The following RNF207 variants were observed in gnomAD, a reference collection of about 807,000 sequenced individuals.
The protein encoded by RNF207 is OTTHUMG00000001089.
In RNF207, 72 loss-of-function variants were observed where a neutral mutation model predicts 79.0. The ratio of observed to expected loss-of-function variants is 0.91; its 90% CI spans 0.75 to 1.11. The LOEUF (loss-of-function observed/expected upper bound fraction) is 1.11, where lower values mean the gene tolerates loss of function less well. RNF207 is among the 50% of genes least tolerant of loss of function. RNF207 has a pLI of 0.00. For missense variants in RNF207, 936 were observed against 855.8 expected (o/e 1.09, Z -1.17); for synonymous variants, 348 against 366.2 (o/e 0.95, Z 0.57).
Position 6,209,129 on chromosome 1 carries a change from C to A in RNF207, c.484C>A (p.Pro162Thr). Reference protein sequence around the residue: ...VPQKCTLHAEPYLLFSTDKKL... With the variant: ...VPQKCTLHAETYLLFSTDKKL... ...CGCCCCCGCAGCGCTGCACGCAGAG[C>A]CCTACCTCTTGTTCTCCACCGACAA... The change falls in exon 5 of 18, where the codon CCC (proline) becomes ACC (threonine). Residue 162 changes from proline (P) to threonine (T), a missense_variant. Pro to Thr is a conservative substitution (Grantham distance 38, BLOSUM62 -1). Coordinates refer to ENST00000377939, the MANE Select transcript of RNF207 (RefSeq NM_207396.3). 6.4e-7 allele frequency: 1 copy of A among 1,555,538 alleles called. No individual in the cohort carries two copies. The highest frequency in any genetic ancestry group is 8.7e-7 in the Non-Finnish European group (1 of 1,149,332).
At chr1:6,208,299 C>T (rs1667994184) in intron 3 of RNF207, 1 of 152,294 alleles carries the variant, frequency 6.6e-6, no homozygotes, top group African/African-American at 2.4e-5. Flanking sequence ...CCCTCACACC[C>T]TTTTGTTGCA....
rs755796660 is a variant in RNF207 at position 6,207,527 on chromosome 1, C to CG, written c.324+19dup. 1.2e-5 allele frequency: 13 copies of CG among 1,052,538 alleles called. No homozygotes were observed. The African/African-American group carries it at 2.1e-4, about 17-fold the overall frequency. The allele number at this position is 1,052,538 out of a possible 1,614,324, so 65.2% of individuals were successfully genotyped here. On this transcript the variant is annotated intron_variant, in intron 3 of 17. Coordinates refer to ENST00000377939, the MANE Select transcript of RNF207 (RefSeq NM_207396.3). This position sits in a 1 kb window ranked among gnomAD's most constrained non-coding sequence, Gnocchi z 4.5. ...CAGCGAGCAGGCAGGGGCGGCAGGG[C>CG]GGGTGGGTGAGGAGCAGAGGGTACC...
Position 6,209,528 on chromosome 1 carries a change from G to A in RNF207, c.742G>A (p.Gly248Ser). Residue 248 changes from glycine (G) to serine (S), a missense_variant, in exon 7 of 18, where the codon GGC becomes AGC. Transcript: ENST00000377939. The stretch of plus-strand genomic sequence containing the variant: ...GGAGGACGCTATCCACGCCCTCTTC[G>A]GCAGCATGCAGGTGAGGGGTGGGGG... ...EEEDAIHALF[G>S]SMQDRLAERK... The A allele has an allele frequency of 6.8e-7, 1 of 1,466,170 alleles. No homozygotes were observed. The highest frequency in any genetic ancestry group is 9.0e-7 in the Non-Finnish European group (1 of 1,117,204). The allele number at this position is 1,466,170 out of a possible 1,614,324, so 90.8% of individuals were successfully genotyped here.
At position 6,210,936 on chromosome 1, in the gene RNF207, A is replaced by G. The variant is rs1668138072; in HGVS notation, c.1009A>G (p.Lys337Glu). 5 of 1,605,596 alleles carry G rather than the reference A, an allele frequency of 3.1e-6. No individual in the cohort carries two copies. Among genetic ancestry groups the G allele is most frequent in the African/African-American group, 1.3e-5 (1 of 74,984 alleles). The change falls in exon 11 of 18, where the codon AAG becomes GAG. Residue 337 changes from lysine (K) to glutamate (E), a missense_variant and splice_region_variant. Transcript: ENST00000377939. ...CCACCTAAGGCCTATTCAGAGCAGC[A>G]AGGTGTGCAGTGGCCTGGGTGGGCC... ...PHHLRPIQSS[K>E]IASDHRAEFA...
At position 6,211,608 on chromosome 1, in the gene RNF207, G is replaced by C. The variant is rs759677230; in HGVS notation, c.1110-259G>C. Among the ~76,000 whole-genome samples, 1 of 152,102 alleles carries C rather than the reference G, an allele frequency of 6.6e-6. No individual in the cohort carries two copies. The highest frequency in any genetic ancestry group is 1.9e-4 in the East Asian group (1 of 5,196). On this transcript the variant is annotated intron_variant, in intron 12 of 17. Transcript: ENST00000377939. The surrounding 1 kb of genome is among the most constrained non-coding windows in gnomAD (Gnocchi z 4.2). ...ATAGAAGTGAACACACCACTCACTC[G>C]GTCCTGGCCCCGGCAGCATTCCGAC... is the stretch of plus-strand genomic sequence containing the variant.
intron 6 of RNF207, 23 bp downstream of exon 6, chr1:6,209,366 C>T: frequency 2.0e-6 from 3 of 1,528,340 alleles, no homozygotes; most frequent in Non-Finnish European, 2.6e-6. Flanking sequence ...GCCTGGCGCG[C>T]GGGGCCGCGC....
chr1:6,212,890 A>C, intron 15 of RNF207, 157 bp downstream of exon 15: 2 of 788,720 alleles, frequency 2.5e-6, no homozygotes, highest in South Asian at 3.0e-5. Context: ...CTGGCCTCAA[A>C]TGATGCATGT....
rs1463056296 is a variant in RNF207, at chr1:6,220,298, T to A, written c.*891T>A. ...CAGGGAGTGACAATCCAGCAAGAAA[T>A]CCCTCGCTAGTTCCACACCTACGCA... On this transcript the variant is annotated 3_prime_UTR_variant, in exon 18 of 18. Coordinates refer to ENST00000377939, the MANE Select transcript of RNF207 (RefSeq NM_207396.3). 2 of 152,136 alleles carry A rather than the reference T, an allele frequency of 1.3e-5. No homozygotes were observed. Among genetic ancestry groups the A allele is most frequent in the Admixed American group, 6.5e-5 (1 of 15,272 alleles). The allele number at this position is 152,136 out of a possible 1,614,324, so 9.4% of individuals were successfully genotyped here. A position where few individuals can be genotyped will look rare whatever the true frequency, so the allele number is the denominator to read the frequency against.
chr1:6,218,061 C>T (rs919089505), intron 16 of RNF207, among the ~76,000 whole-genome samples: 1 of 152,260 alleles, frequency 6.6e-6, no homozygotes, highest in Admixed American at 6.5e-5. Context: ...GTGTCTGGCC[C>T]GACCAGCACG....
chr1:6,213,441 C>T (rs1411655494), intron 16 of RNF207, among the ~76,000 whole-genome samples: 1 of 150,252 alleles, frequency 6.7e-6, no homozygotes, highest in Non-Finnish European at 1.5e-5. Flanking sequence ...CAATCTACAG[C>T]CTGGGTGACA....
chr1:6,212,835 C>T, intron 15 of RNF207, 102 bp downstream of exon 15: 1 of 992,444 alleles, frequency 1.0e-6, no homozygotes, highest in South Asian at 1.3e-5. Context: ...ATGCAAATCC[C>T]CACACTCTTC....
chr1:6,207,714 T>C lies in RNF207; in HGVS notation c.324+203T>C, dbSNP rs1358250638. The C allele has an allele frequency of 2.8e-6, 2 of 717,882 alleles. 1 individual carries two copies. The highest frequency in any genetic ancestry group is 3.0e-5 in the South Asian group (2 of 66,996). 44.5% of individuals were successfully genotyped at this position (717,882 alleles called of 1,614,324 possible). A position where few individuals can be genotyped will look rare whatever the true frequency, so the allele number is the denominator to read the frequency against. ...GTCCAGAACAAGGGACTTGAGCCAG[T>C]GTCCAGACAGTGGCAGAGGCTAAGG... On this transcript the variant is annotated intron_variant, in intron 3 of 17. Transcript: ENST00000377939. This position sits in a 1 kb window ranked among gnomAD's most constrained non-coding sequence, Gnocchi z 4.5.
In RNF207 at chr1:6,219,440, A is replaced by G. The variant is rs1557596198; in HGVS notation, c.*33A>G. ...GACCGGTCCCCAGGGTCAGGCTCTT[A>G]GAGCAGGCACAAGACTGGGACACTG... is the stretch of plus-strand genomic sequence containing the variant. On this transcript the variant is annotated 3_prime_UTR_variant, in exon 18 of 18. Coordinates refer to ENST00000377939, the MANE Select transcript of RNF207 (RefSeq NM_207396.3). The G allele has an allele frequency of 6.5e-7, 1 of 1,530,268 alleles. No homozygotes were observed. Among genetic ancestry groups the G allele is most frequent in the Non-Finnish European group, 8.9e-7 (1 of 1,124,876 alleles). The allele number at this position is 1,530,268 out of a possible 1,614,324, so 94.8% of individuals were successfully genotyped here. A position where few individuals can be genotyped will look rare whatever the true frequency, so the allele number is the denominator to read the frequency against.
rs1012599080 is a variant in RNF207 at position 6,211,700 on chromosome 1, C to T, written c.1110-167C>T. 3.9e-5 allele frequency among the ~76,000 whole-genome samples: 6 copies of T among 152,208 alleles called. No individual in the cohort carries two copies. The highest frequency in any genetic ancestry group is 2.1e-4 in the South Asian group (1 of 4,838). On this transcript the variant is annotated intron_variant, in intron 12 of 17. Coordinates refer to ENST00000377939, the MANE Select transcript of RNF207 (RefSeq NM_207396.3). This position sits in a 1 kb window ranked among gnomAD's most constrained non-coding sequence, Gnocchi z 4.2. Reference sequence around the variant, plus strand: ...ACTTTAAAAAATAGATGTGGATGTCCGGGTGAGGCCTTGCCTCAGCCTTTT... The same window carrying T: ...ACTTTAAAAAATAGATGTGGATGTCTGGGTGAGGCCTTGCCTCAGCCTTTT...
chr1:6,215,341 T>C (rs1309666204), intron 16 of RNF207, among the ~76,000 whole-genome samples: 1 of 151,624 alleles, frequency 6.6e-6, no homozygotes, highest in Non-Finnish European at 1.5e-5. Context: ...CTTTTTTTTT[T>C]TTTTTTTTGA....
chr1:6,207,943 C>T lies in RNF207; in HGVS notation c.324+432C>T, dbSNP rs748122135. 4.5e-4 allele frequency: 152 copies of T among 336,582 alleles called. 1 individual carries two copies. The Middle Eastern group carries it at 7.9e-3, about 18-fold the overall frequency. 20.8% of individuals were successfully genotyped at this position (336,582 alleles called of 1,614,324 possible). ...TGTAAAAGGCACAGGGGACTCTGGC[C>T]TGCGGAGGCCAGAAAATGTATCGGG... On this transcript the variant is annotated intron_variant, in intron 3 of 17. Transcript: ENST00000377939. This position sits in a 1 kb window ranked among gnomAD's most constrained non-coding sequence, Gnocchi z 4.5.
In RNF207 at chr1:6,212,073, C is replaced by CG. The variant is rs1557589109; in HGVS notation, c.1296+20_1296+21insG. On this transcript the variant is annotated intron_variant, in intron 13 of 17. Transcript: ENST00000377939. ...TACCGGGTGAGGGGGCAGGGATCTG[C>CG]CGGAGGGGGGAGATGTCCTAACCCA... 1 of 1,575,430 alleles carries CG rather than the reference C, an allele frequency of 6.3e-7. No homozygotes were observed.
chr1:6,208,110 G>A (rs949042158), intron 3 of RNF207: 1 of 206,438 alleles, frequency 4.8e-6, no homozygotes, highest in Non-Finnish European at 1.0e-5. Context: ...CATTGCATGC[G>A]TCCATACCAG....
chr1:6,212,873 C>T (rs1435411539), intron 15 of RNF207, 140 bp downstream of exon 15: 1 of 833,708 alleles, frequency 1.2e-6, no homozygotes, highest in Non-Finnish European at 2.0e-6. Flanking sequence ...TGCCTCCCAG[C>T]TGCTAACTGG....
Sources: gnomAD v4.1 joint callset for allele counts (sites outside exome capture counted in the v4.1 genomes callset) on GRCh38, gnomAD v4.1.1 for gene constraint, Gnocchi (gnomAD v3.1) non-coding constraint, MANE v1.5 for transcripts, NCBI Gene and HGNC (gene_info 2026-07-23, HGNC 2026-07-21) for gene names.